The following XKR4 variants were observed in gnomAD, a reference collection of about 807,000 sequenced individuals.
The protein encoded by XKR4 is XK related 4, also known as XK-related protein 4.
In XKR4, 12 loss-of-function variants were observed where a neutral mutation model predicts 53.9. The ratio of observed to expected loss-of-function variants is 0.22; its 90% CI spans 0.14 to 0.36. XKR4 has a LOEUF of 0.36. Among genes scored for constraint, XKR4 ranks in the 10% least tolerant of loss-of-function variants. XKR4 has a pLI of 1.00. For synonymous variants in XKR4, 354 were observed against 362.4 expected, an observed-to-expected ratio of 0.98 and a Z score of 0.26; for missense variants, 799 against 859.5, an observed-to-expected ratio of 0.93 and a Z score of 0.88.
At chr8:55,401,606 C>T (rs538405181) in intron 2 of XKR4, among the ~76,000 whole-genome samples, 21 of 152,316 alleles carry the variant, frequency 1.4e-4, no homozygotes, top group African/African-American at 3.8e-4. Flanking sequence ...CAAGCTGAAG[C>T]TCAGCAAAGG....
intron 2 of XKR4, among the ~76,000 whole-genome samples, chr8:55,509,838 T>A (rs1394769248): frequency 6.6e-6 from 1 of 152,216 alleles, no homozygotes; most frequent in Non-Finnish European, 1.5e-5. Flanking sequence ...GAAAGGCATC[T>A]CTCACAGCCA....
chr8:55,455,483 G>A (rs977905391), intron 2 of XKR4, among the ~76,000 whole-genome samples: 1 of 152,174 alleles, frequency 6.6e-6, no homozygotes, highest in Non-Finnish European at 1.5e-5. Flanking sequence ...TGGTGCTAGA[G>A]GGGGCTGGCT....
intron 2 of XKR4, among the ~76,000 whole-genome samples, chr8:55,429,478 G>C (rs1008448577): frequency 6.6e-6 from 1 of 152,122 alleles, no homozygotes; most frequent in Non-Finnish European, 1.5e-5. Flanking sequence ...GGGAGCCAAG[G>C]CAGGAGAATT....
At chr8:55,247,868 T>C (rs1321825008) in intron 1 of XKR4, among the ~76,000 whole-genome samples, 56 of 131,732 alleles carry the variant, frequency 4.3e-4, no homozygotes, top group Non-Finnish European at 5.6e-4. Context: ...TTTTTTTTTT[T>C]TTTTTTGAGA....
intron 1 of XKR4, among the ~76,000 whole-genome samples, chr8:55,336,034 T>G (rs1469258156): frequency 7.9e-6 from 1 of 126,310 alleles, no homozygotes; most frequent in Non-Finnish European, 1.6e-5. Context: ...TTTATGCAAC[T>G]CTATACCAAA....
At chr8:55,486,347 T>C (rs1357936209) in intron 2 of XKR4, among the ~76,000 whole-genome samples, 4 of 152,340 alleles carry the variant, frequency 2.6e-5, no homozygotes, top group Non-Finnish European at 4.4e-5. Context: ...TAGTATCTTT[T>C]ACAACCACAG....
chr8:55,361,680 A>C (rs950211721), intron 2 of XKR4, among the ~76,000 whole-genome samples: 1 of 151,980 alleles, frequency 6.6e-6, no homozygotes, highest in Non-Finnish European at 1.5e-5. Flanking sequence ...GCACTCATTA[A>C]AATTAAACAA....
At chr8:55,341,366 A>C (rs889063589) in intron 1 of XKR4, among the ~76,000 whole-genome samples, 2 of 152,100 alleles carry the variant, frequency 1.3e-5, no homozygotes, top group Non-Finnish European at 1.5e-5. Flanking sequence ...GGCTGCTCCC[A>C]GGGCATTGGC....
At chr8:55,270,074 G>T (rs1353353942) in intron 1 of XKR4, among the ~76,000 whole-genome samples, 1 of 152,144 alleles carries the variant, frequency 6.6e-6, no homozygotes, top group African/African-American at 2.4e-5. Flanking sequence ...TACGTCACAG[G>T]CCATTTAGGT....
At chr8:55,122,856 T>C (rs1303687801) in intron 1 of XKR4, among the ~76,000 whole-genome samples, 1 of 152,176 alleles carries the variant, frequency 6.6e-6, no homozygotes, top group East Asian at 1.9e-4. Flanking sequence ...CTGAGGAGTT[T>C]ACTGTGGTCA....
chr8:55,494,112 G>T (rs1427250338), intron 2 of XKR4, among the ~76,000 whole-genome samples: 1 of 152,252 alleles, frequency 6.6e-6, no homozygotes, highest in Non-Finnish European at 1.5e-5. Context: ...GCAGCGAGGG[G>T]TGTATGAGTG....
intron 1 of XKR4, among the ~76,000 whole-genome samples, chr8:55,221,773 C>T (rs1817885178): frequency 6.6e-6 from 1 of 152,196 alleles, no homozygotes. Context: ...ACAGCCCCTT[C>T]TCCAGAGGGT....
chr8:55,336,103 G>C (rs1003198303), intron 1 of XKR4, among the ~76,000 whole-genome samples: 1 of 150,608 alleles, frequency 6.6e-6, no homozygotes, highest in South Asian at 2.1e-4. Flanking sequence ...GATATGGTTT[G>C]GCTGTGTCTC....
At chr8:55,343,164 G>T (rs1014197101) in intron 1 of XKR4, among the ~76,000 whole-genome samples, 4 of 152,162 alleles carry the variant, frequency 2.6e-5, no homozygotes, top group African/African-American at 9.7e-5. Flanking sequence ...TCCTGCCATG[G>T]TTAGCACATT....
At chr8:55,186,513 G>A (rs1380810966) in intron 1 of XKR4, among the ~76,000 whole-genome samples, 2 of 151,952 alleles carry the variant, frequency 1.3e-5, no homozygotes, top group Non-Finnish European at 2.9e-5. Flanking sequence ...AAAAATAGCC[G>A]GGCATGGTGG....
chr8:55,114,045 T>A (rs572057336), intron 1 of XKR4, among the ~76,000 whole-genome samples: 1 of 152,254 alleles, frequency 6.6e-6, no homozygotes, highest in African/African-American at 2.4e-5. Context: ...ACACACACAT[T>A]TGTTTTTATG....
intron 2 of XKR4, among the ~76,000 whole-genome samples, chr8:55,364,145 A>T (rs1803939351): frequency 6.6e-6 from 1 of 152,202 alleles, no homozygotes; most frequent in Admixed American, 6.5e-5. Flanking sequence ...CCTCTGCCTG[A>T]GCAGCCGTGT....
At chr8:55,221,011 C>A (rs1817873897) in intron 1 of XKR4, among the ~76,000 whole-genome samples, 1 of 152,184 alleles carries the variant, frequency 6.6e-6, no homozygotes, top group African/African-American at 2.4e-5. Context: ...TTATCTCTTT[C>A]AAGAGATACT....
intron 1 of XKR4, among the ~76,000 whole-genome samples, chr8:55,136,361 G>A (rs1816630507): frequency 6.6e-6 from 1 of 152,218 alleles, no homozygotes; most frequent in Admixed American, 6.5e-5. Flanking sequence ...ACTTGGGGTT[G>A]AATGAATGAC....
Sources: gnomAD v4.1 joint callset for allele counts (sites outside exome capture counted in the v4.1 genomes callset) on GRCh38, gnomAD v4.1.1 for gene constraint, MANE v1.5 for transcripts, NCBI Gene and HGNC (gene_info 2026-07-23, HGNC 2026-07-21) for gene names.